The following CAMK1D variants were observed in gnomAD, a reference collection of about 807,000 sequenced individuals.
CAMK1D encodes calcium/calmodulin-dependent protein kinase type 1D.
In CAMK1D, 9 loss-of-function variants were observed where a neutral mutation model predicts 47.7. The ratio of observed to expected loss-of-function variants is 0.19; its 90% CI spans 0.11 to 0.33. CAMK1D has a LOEUF of 0.33. Ranked by LOEUF, CAMK1D falls within the 10% of genes least tolerant of loss-of-function variation. CAMK1D has a pLI of 1.00. For synonymous variants in CAMK1D, 184 were observed against 184.9 expected (o/e 0.99, Z 0.04); for missense variants, 291 against 488.7 (o/e 0.60, Z 3.81).
intron 3 of CAMK1D, among the ~76,000 whole-genome samples, chr10:12,677,427 G>T (rs576566484): frequency 6.6e-6 from 1 of 152,298 alleles, no homozygotes; most frequent in East Asian, 1.9e-4. Context: ...TAGCATTGCG[G>T]GGGTGGGAAG....
intron 7 of CAMK1D, among the ~76,000 whole-genome samples, chr10:12,814,907 A>G (rs1484316946): frequency 1.3e-5 from 2 of 152,174 alleles, no homozygotes; most frequent in South Asian, 4.1e-4. Flanking sequence ...GGACCCACTC[A>G]TCCACCTCTT....
At chr10:12,392,495 A>G (rs983408613) in intron 1 of CAMK1D, among the ~76,000 whole-genome samples, 1 of 152,026 alleles carries the variant, frequency 6.6e-6, no homozygotes, top group Non-Finnish European at 1.5e-5. Flanking sequence ...TACTCAGCAT[A>G]ATTTCCTTAT....
At chr10:12,417,883 C>G (rs1168768546) in intron 1 of CAMK1D, among the ~76,000 whole-genome samples, 1 of 151,896 alleles carries the variant, frequency 6.6e-6, no homozygotes, top group Non-Finnish European at 1.5e-5. Context: ...CTCACTGCAA[C>G]CTCCGCCTCC....
At chr10:12,826,526 C>G (rs1253550848) in intron 10 of CAMK1D, among the ~76,000 whole-genome samples, 1 of 152,188 alleles carries the variant, frequency 6.6e-6, no homozygotes, top group Non-Finnish European at 1.5e-5. Flanking sequence ...TTATCTCTCT[C>G]CCCAACTGCT....
At chr10:12,627,888 G>C (rs890870481) in intron 2 of CAMK1D, among the ~76,000 whole-genome samples, 1 of 152,064 alleles carries the variant, frequency 6.6e-6, no homozygotes, top group Non-Finnish European at 1.5e-5. Flanking sequence ...GACCATCCTG[G>C]CTAACATGGT....
At chr10:12,553,150 G>T in intron 1 of CAMK1D, 75 bp from the exon 2 acceptor site, 1 of 1,606,166 alleles carries the variant, frequency 6.2e-7, no homozygotes, top group East Asian at 2.2e-5. Context: ...TCAAACTTCG[G>T]TGGTAGGGTG....
chr10:12,635,252 C>T lies in CAMK1D; in HGVS notation c.225-31484C>T, dbSNP rs368137685. 5.3e-5 allele frequency among the ~76,000 whole-genome samples: 8 copies of T among 152,230 alleles called. No homozygotes were observed. The South Asian group carries it at 1.7e-3, about 32-fold the overall frequency. ...GGCTGCCCAGGTCTGACCCGGAATC[C>T]GGTTGTGTTGGATGGTACCACTGAG... On this transcript the variant is annotated intron_variant, in intron 2 of 10. Transcript: ENST00000619168.
At chr10:12,777,079 G>A (rs535360687) in intron 5 of CAMK1D, among the ~76,000 whole-genome samples, 2 of 152,298 alleles carry the variant, frequency 1.3e-5, no homozygotes, top group Admixed American at 6.5e-5. Flanking sequence ...AGATTTGGGA[G>A]ATGTTAATTT....
intron 1 of CAMK1D, among the ~76,000 whole-genome samples, chr10:12,489,459 A>G (rs1217689955): frequency 6.6e-6 from 1 of 152,178 alleles, no homozygotes; most frequent in African/African-American, 2.4e-5. Context: ...CCTTGGATTT[A>G]GTGACAGTGA....
At chr10:12,563,720 A>AGAG (rs1837029848) in intron 2 of CAMK1D, among the ~76,000 whole-genome samples, 1 of 147,698 alleles carries the variant, frequency 6.8e-6, no homozygotes, top group African/African-American at 2.5e-5. Context: ...GGAGAGAGAG[A>AGAG]ATGAGGATTC....
chr10:12,801,584 TTATC>T (rs56133132), intron 6 of CAMK1D, among the ~76,000 whole-genome samples: 10,266 of 152,076 alleles, frequency 0.068, 390 homozygotes, highest in African/African-American at 0.097. Context: ...CATCTTTCTG[TTATC>T]TATCTGTCTA....
At chr10:12,356,743 A>T (rs1837531654) in intron 1 of CAMK1D, among the ~76,000 whole-genome samples, 1 of 133,632 alleles carries the variant, frequency 7.5e-6, no homozygotes, top group Admixed American at 7.6e-5. Context: ...AAAAAAAAAA[A>T]GAAAAGGTGA....
chr10:12,597,234 C>T (rs1838171437), intron 2 of CAMK1D, among the ~76,000 whole-genome samples: 1 of 152,186 alleles, frequency 6.6e-6, no homozygotes, highest in Admixed American at 6.5e-5. Flanking sequence ...ATGGTGGCTG[C>T]TCCTTGTCCT....
intron 2 of CAMK1D, among the ~76,000 whole-genome samples, chr10:12,636,359 G>C (rs1347138084): frequency 2.0e-5 from 3 of 152,140 alleles, no homozygotes; most frequent in Non-Finnish European, 4.4e-5. Context: ...ACGGTATTTT[G>C]CTTTGTCACC....
Position 12,569,722 on chromosome 10 carries a change from CAAAAAAA to C in CAMK1D, c.224+16382_224+16388del, listed in dbSNP as rs56335336. ...TGGGTGACAGAACGAGACTCCGTCT[CAAAAAAA>C]AAAAAAAAAAAAAAATTGTGTGGTG... On this transcript the variant is annotated intron_variant, in intron 2 of 10. Coordinates refer to ENST00000619168, the MANE Select transcript of CAMK1D (RefSeq NM_153498.4). Among the ~76,000 whole-genome samples, 6 of 71,448 alleles carry C rather than the reference CAAAAAAA, an allele frequency of 8.4e-5. No homozygotes were observed. In the South Asian group the frequency reaches 1.7e-3, roughly 21 times the overall value. The allele number at this position is 71,448 out of a possible 152,430, so 46.9% of individuals were successfully genotyped here.
At chr10:12,536,839 T>A (rs976140570) in intron 1 of CAMK1D, among the ~76,000 whole-genome samples, 3 of 152,188 alleles carry the variant, frequency 2.0e-5, no homozygotes, top group Admixed American at 6.5e-5. Context: ...TGCATGTAGA[T>A]CTCATCAGTT....
chr10:12,799,187 C>T (rs1224543898), intron 6 of CAMK1D, among the ~76,000 whole-genome samples: 3 of 152,180 alleles, frequency 2.0e-5, no homozygotes, highest in Non-Finnish European at 4.4e-5. Context: ...ATGTGGTGCA[C>T]GGTGCCACCT....
chr10:12,682,945 A>G (rs1472619738), intron 3 of CAMK1D, among the ~76,000 whole-genome samples: 1 of 149,778 alleles, frequency 6.7e-6, no homozygotes, highest in African/African-American at 2.5e-5. Context: ...TTTTTTGGAG[A>G]TGGAGTGTCT....
Position 12,488,791 on chromosome 10 carries a change from T to A in CAMK1D, c.93-64434T>A, listed in dbSNP as rs955409313. On this transcript the variant is annotated intron_variant, in intron 1 of 10. Coordinates refer to ENST00000619168, the MANE Select transcript of CAMK1D (RefSeq NM_153498.4). Reference sequence around the variant, plus strand: ...TCGCGTGCGCAGTTCACAATAGGGTTCATACTCCCGTGAGAATCTAATGGC... The same window carrying A: ...TCGCGTGCGCAGTTCACAATAGGGTACATACTCCCGTGAGAATCTAATGGC... Among the ~76,000 whole-genome samples, 3 of 152,074 alleles carry A rather than the reference T, an allele frequency of 2.0e-5. No homozygotes were observed. The East Asian group carries it at 5.8e-4, about 29-fold the overall frequency.
Sources: allele counts gnomAD v4.1 joint callset (sites outside exome capture counted in the v4.1 genomes callset), GRCh38; gene constraint gnomAD v4.1.1; transcripts MANE v1.5; gene names NCBI Gene and HGNC (gene_info 2026-07-23, HGNC 2026-07-21).